The following NLGN4X variants were observed in gnomAD, a reference collection of about 807,000 sequenced individuals.
NLGN4X encodes the protein neuroligin-4, X-linked.
A neutral mutation model predicts 40.3 loss-of-function variants in NLGN4X; 3 were observed. The observed-to-expected ratio is 0.07, with a 90% CI of 0.03 to 0.19. NLGN4X has a LOEUF of 0.19. Among genes scored for constraint, NLGN4X ranks in the 10% least tolerant of loss-of-function variants. NLGN4X has a pLI of 1.00. For synonymous variants in NLGN4X, 270 were observed against 306.8 expected (o/e 0.88, Z 1.25); for missense variants, 382 against 708.3 (o/e 0.54, Z 5.23).
chrX:5,965,819 A>G lies in NLGN4X; in HGVS notation c.626-56580T>C, dbSNP rs551634626. Among the ~76,000 whole-genome samples, 141 of 112,056 alleles carry G rather than the reference A, an allele frequency of 1.3e-3. 1 individual carries two copies. In the South Asian group the frequency reaches 0.048, roughly 38 times the overall value. On this transcript the variant is annotated intron_variant, in intron 3 of 5. Coordinates refer to ENST00000381095, the MANE Select transcript of NLGN4X (RefSeq NM_181332.3). ...TGTTCTACAACTTCATGTAACACTGACCTCACTGGGCAACATATATATAAG... is the reference window on the plus strand; with the variant it reads ...TGTTCTACAACTTCATGTAACACTGGCCTCACTGGGCAACATATATATAAG...
At chrX:6,210,610 G>A (rs1481198813) in intron 1 of NLGN4X, among the ~76,000 whole-genome samples, 1 of 112,082 alleles carries the variant, frequency 8.9e-6, no homozygotes, top group African/African-American at 3.2e-5. Context: ...TTGCTCCTAA[G>A]GAGTTAGTAA....
intron 2 of NLGN4X, among the ~76,000 whole-genome samples, chrX:6,115,809 C>T (rs2039265286): frequency 9.0e-6 from 1 of 111,364 alleles, no homozygotes; most frequent in South Asian, 3.8e-4. Context: ...TTTTAACGTG[C>T]ACACCTGACT....
At chrX:6,066,237 G>A (rs1231001747) in intron 2 of NLGN4X, among the ~76,000 whole-genome samples, 1 of 111,725 alleles carries the variant, frequency 9.0e-6, no homozygotes, top group Admixed American at 9.5e-5. Context: ...CCTATTAGGC[G>A]GTCAGTGTTT....
At chrX:6,199,852 A>G (rs957200531) in intron 1 of NLGN4X, among the ~76,000 whole-genome samples, 7 of 112,162 alleles carry the variant, frequency 6.2e-5, no homozygotes, top group Non-Finnish European at 1.3e-4. Flanking sequence ...TGATCCAAAC[A>G]TTTTTGGTAA....
intron 3 of NLGN4X, among the ~76,000 whole-genome samples, chrX:5,933,796 A>G (rs914388364): frequency 3.6e-5 from 4 of 111,750 alleles, no homozygotes; most frequent in Admixed American, 2.9e-4. Context: ...GTTTAAACTC[A>G]TGAATTTAAA....
chrX:5,907,478 T>C, intron 4 of NLGN4X, among the ~76,000 whole-genome samples: 1 of 111,891 alleles, frequency 8.9e-6, no homozygotes, highest in Non-Finnish European at 1.9e-5. Context: ...ATGCTGACCA[T>C]TACTTAGGCA....
At chrX:6,047,503 G>A (rs971414768) in intron 2 of NLGN4X, among the ~76,000 whole-genome samples, 1 of 111,254 alleles carries the variant, frequency 9.0e-6, no homozygotes, top group Non-Finnish European at 1.9e-5. Flanking sequence ...TTTAAAAAGA[G>A]ATGGATGATG....
At chrX:6,167,322 C>T (rs1195081986) in intron 1 of NLGN4X, among the ~76,000 whole-genome samples, 2 of 111,630 alleles carry the variant, frequency 1.8e-5, no homozygotes, top group African/African-American at 3.3e-5. Context: ...TCTATGCCAC[C>T]TGCATAGGGC....
intron 2 of NLGN4X, among the ~76,000 whole-genome samples, chrX:6,082,956 CTTTTTTTTTTT>C (rs1184184483): frequency 2.2e-5 from 1 of 45,983 alleles, no homozygotes; most frequent in Non-Finnish European, 4.3e-5. Flanking sequence ...GCGTTTTTTT[CTTTTTTTTTTT>C]TTTTTTTTTT....
chrX:6,151,634 C>T lies in NLGN4X; in HGVS notation c.-168G>A. ...GCCTGAGGTTAAGAACAAGCACAGC[C>T]GTTTTCTTGGCAGCCCATTGCAAGG... On this transcript the variant is annotated 5_prime_UTR_variant, in exon 2 of 6. Transcript: ENST00000381095. 1 of 476,238 alleles carries T rather than the reference C, an allele frequency of 2.1e-6. No homozygotes were observed. The highest frequency in any genetic ancestry group is 3.3e-5 in the Admixed American group (1 of 30,560). 39.2% of individuals were successfully genotyped at this position (476,238 alleles called of 1,213,427 possible).
intron 1 of NLGN4X, among the ~76,000 whole-genome samples, chrX:6,183,684 AATTAG>A (rs1430243664): frequency 5.3e-5 from 6 of 112,596 alleles, no homozygotes; most frequent in African/African-American, 1.9e-4. Flanking sequence ...TTTGAAGGAT[AATTAG>A]ATTAAATAGA....
chrX:6,066,909 A>G lies in NLGN4X; in HGVS notation c.473-37477T>C, dbSNP rs765053017. ...GATCACTTGAGCCCAGGAGTTCCAGACCAGCCTGGGCAATACATTGAGACC... is the reference window on the plus strand; with the variant it reads ...GATCACTTGAGCCCAGGAGTTCCAGGCCAGCCTGGGCAATACATTGAGACC... On this transcript the variant is annotated intron_variant, in intron 2 of 5. Coordinates refer to ENST00000381095, the MANE Select transcript of NLGN4X (RefSeq NM_181332.3). Among the ~76,000 whole-genome samples, 155 of 112,098 alleles carry G rather than the reference A, an allele frequency of 1.4e-3. 2 individuals are homozygous for G. Among genetic ancestry groups the G allele is most frequent in the Non-Finnish European group, 2.4e-3 (127 of 53,190 alleles).
intron 3 of NLGN4X, among the ~76,000 whole-genome samples, chrX:5,989,084 T>TAAAAAAAA (rs201183542): frequency 1.2e-5 from 1 of 80,483 alleles, no homozygotes; most frequent in Non-Finnish European, 2.4e-5. Flanking sequence ...ATAAAAAAAA[T>TAAAAAAAA]AAAAAAAATA....
intron 2 of NLGN4X, among the ~76,000 whole-genome samples, chrX:6,075,815 A>T (rs896542048): frequency 8.9e-6 from 1 of 111,746 alleles, no homozygotes; most frequent in South Asian, 3.8e-4. Flanking sequence ...GCAGATCCTG[A>T]TGCCGTGATT....
At chrX:6,149,217 G>A (rs1203110526) in intron 2 of NLGN4X, among the ~76,000 whole-genome samples, 1 of 111,827 alleles carries the variant, frequency 8.9e-6, no homozygotes, top group Non-Finnish European at 1.9e-5. Flanking sequence ...GTACATACAG[G>A]GCTCTGCAGT....
intron 3 of NLGN4X, among the ~76,000 whole-genome samples, chrX:5,966,220 G>A (rs920553192): frequency 1.8e-5 from 2 of 112,292 alleles, no homozygotes; most frequent in African/African-American, 6.5e-5. Context: ...TGCAGTGAGA[G>A]CAATATTAAA....
chrX:6,225,545 C>G (rs1926130962), intron 1 of NLGN4X, among the ~76,000 whole-genome samples: 1 of 108,789 alleles, frequency 9.2e-6, no homozygotes, highest in South Asian at 4.1e-4. Flanking sequence ...TAATTTCTAG[C>G]TGGAGAAGGA....
Position 6,128,747 on chromosome X carries a change from T to C in NLGN4X, c.472+22248A>G, listed in dbSNP as rs768369175. On this transcript the variant is annotated intron_variant, in intron 2 of 5. Transcript: ENST00000381095. Reference sequence around the variant, plus strand: ...TTCGCTACCTGGGTAATGGGATCTATACCCCAAACTTCAGCATCACACAGT... The same window carrying C: ...TTCGCTACCTGGGTAATGGGATCTACACCCCAAACTTCAGCATCACACAGT... 5.3e-5 allele frequency among the ~76,000 whole-genome samples: 6 copies of C among 112,271 alleles called. No homozygotes were observed. In the East Asian group the frequency reaches 1.7e-3, roughly 32 times the overall value.
intron 3 of NLGN4X, among the ~76,000 whole-genome samples, chrX:5,978,281 TTTCTTTCTTTCTTTCTTTCTTTC>T (rs2035250999): frequency 3.2e-4 from 1 of 3,117 alleles, no homozygotes; most frequent in African/African-American, 2.4e-3. Context: ...TTTTTCTTTC[TTTCTTTCTTTCTTTCTTTCTTTC>T]TTTCTTTCTT....
Sources: gnomAD v4.1 joint callset for allele counts (sites outside exome capture counted in the v4.1 genomes callset) on GRCh38, gnomAD v4.1.1 for gene constraint, MANE v1.5 for transcripts, NCBI Gene and HGNC (gene_info 2026-07-23, HGNC 2026-07-21) for gene names.